NDRG3: variants seen among roughly 807,000 people sequenced by gnomAD.
The protein encoded by NDRG3 is NDRG family member 3, also known as protein NDRG3.
Under a neutral mutation model 57.2 loss-of-function variants are expected in NDRG3, and 23 were observed. The ratio of observed to expected loss-of-function variants is 0.40; its 90% confidence interval spans 0.29 to 0.57. The LOEUF is 0.57. Ranked by LOEUF, NDRG3 falls within the 20% of genes least tolerant of loss-of-function variation. The pLI, the probability that NDRG3 is intolerant of heterozygous loss-of-function variation, is 0.42. For missense variants in NDRG3, 384 were observed against 457.3 expected, an observed-to-expected ratio of 0.84 and a Z score of 1.46; for synonymous variants, 132 against 162.6, an observed-to-expected ratio of 0.81 and a Z score of 1.43.
intron 3 of NDRG3, among the ~76,000 whole-genome samples, chr20:36,696,620 A>C (rs1436329665): frequency 6.6e-6 from 1 of 151,798 alleles, no homozygotes; most frequent in Non-Finnish European, 1.5e-5. Flanking sequence ...CAGCCTCCCA[A>C]GTAGCTGGAC....
chr20:36,707,067 G>T, intron 2 of NDRG3, 60 bp from the exon 3 acceptor site: 1 of 1,500,334 alleles, frequency 6.7e-7, no homozygotes, highest in Non-Finnish European at 9.3e-7. Flanking sequence ...CACATGTGCA[G>T]CACATTCAGT....
intron 8 of NDRG3, among the ~76,000 whole-genome samples, chr20:36,677,504 T>C (rs147823648): frequency 1.2e-4 from 19 of 152,258 alleles, no homozygotes; most frequent in African/African-American, 4.1e-4. Flanking sequence ...GGGTAGAGGA[T>C]GGCCAGAGGA....
intron 2 of NDRG3, among the ~76,000 whole-genome samples, chr20:36,711,320 C>T (rs1273219567): frequency 6.7e-6 from 1 of 150,332 alleles, no homozygotes; most frequent in African/African-American, 2.5e-5. Context: ...TAAATAAATA[C>T]AAAAATGTAA....
intron 3 of NDRG3, among the ~76,000 whole-genome samples, chr20:36,702,502 A>G (rs759112521): frequency 2.0e-5 from 3 of 151,980 alleles, no homozygotes; most frequent in Non-Finnish European, 4.4e-5. Context: ...AGGCCTGGGT[A>G]TAGTTTTTGT....
intron 10 of NDRG3, 56 bp downstream of exon 10, chr20:36,666,233 C>G: frequency 3.8e-6 from 5 of 1,325,624 alleles, no homozygotes; most frequent in Non-Finnish European, 5.4e-6. Flanking sequence ...CTTCTCCCAC[C>G]CTCCTCTTTT....
chr20:36,657,172 G>C (rs190476376), intron 13 of NDRG3, among the ~76,000 whole-genome samples: 11 of 152,206 alleles, frequency 7.2e-5, no homozygotes, highest in Non-Finnish European at 1.2e-4. Context: ...TGATTTGATA[G>C]GTTTGGGGTA....
chr20:36,714,922 G>C (rs1984145541), intron 2 of NDRG3, among the ~76,000 whole-genome samples: 1 of 145,520 alleles, frequency 6.9e-6, no homozygotes, highest in South Asian at 2.2e-4. Context: ...CCAGCAAATT[G>C]TTTTCAAGTA....
intron 12 of NDRG3, 41 bp from the exon 13 acceptor site, chr20:36,660,425 G>A: frequency 6.4e-7 from 1 of 1,552,826 alleles, no homozygotes; most frequent in Non-Finnish European, 8.9e-7. Flanking sequence ...TTTATGAGTT[G>A]CTAGGAAAAA....
rs566447102 is a variant in NDRG3 at position 36,733,636 on chromosome 20, G to A, written c.-48-11853C>T. ...TACTCGGCAGGCTGAGGCAGAGCTT[G>A]CAGTGAGCCGAGATCACGCCACTAC... On this transcript the variant is annotated intron_variant, in intron 1 of 15. Coordinates refer to ENST00000349004, the MANE Select transcript of NDRG3 (RefSeq NM_032013.4). Among the ~76,000 whole-genome samples the A allele has an allele frequency of 3.3e-5, 5 of 151,836 alleles. No individual in the cohort carries two copies. In the South Asian group the frequency reaches 8.3e-4, roughly 25 times the overall value.
chr20:36,667,795 C>T (rs1048273151), intron 9 of NDRG3, among the ~76,000 whole-genome samples: 2 of 152,146 alleles, frequency 1.3e-5, no homozygotes, highest in Non-Finnish European at 2.9e-5. Context: ...AATTTCTTCA[C>T]ATTTTCACAA....
chr20:36,714,511 G>A (rs967219397), intron 2 of NDRG3, among the ~76,000 whole-genome samples: 3 of 146,286 alleles, frequency 2.1e-5, no homozygotes, highest in African/African-American at 5.0e-5. Context: ...GCGCGATCTC[G>A]ACTCAGAGCA....
chr20:36,680,453 C>G (rs1314058814), intron 8 of NDRG3, among the ~76,000 whole-genome samples: 1 of 149,260 alleles, frequency 6.7e-6, no homozygotes, highest in Non-Finnish European at 1.5e-5. Context: ...CCACTGCACT[C>G]CAGCCTGGGC....
At chr20:36,698,602 T>A (rs933039938) in intron 3 of NDRG3, among the ~76,000 whole-genome samples, 1 of 151,744 alleles carries the variant, frequency 6.6e-6, no homozygotes, top group Non-Finnish European at 1.5e-5. Context: ...AATTTATGTA[T>A]TGAAAAAAAA....
At chr20:36,683,051 G>A (rs1284849913) in intron 6 of NDRG3, among the ~76,000 whole-genome samples, 1 of 152,054 alleles carries the variant, frequency 6.6e-6, no homozygotes, top group Non-Finnish European at 1.5e-5. Context: ...GACCATCCTG[G>A]CTAACACGGT....
intron 2 of NDRG3, among the ~76,000 whole-genome samples, chr20:36,707,366 G>A (rs1203941442): frequency 6.6e-6 from 1 of 152,180 alleles, no homozygotes; most frequent in Non-Finnish European, 1.5e-5. Context: ...ACACACAAGG[G>A]AAGTACCTGG....
At chr20:36,726,207 GC>G (rs1984924889) in intron 1 of NDRG3, among the ~76,000 whole-genome samples, 1 of 152,172 alleles carries the variant, frequency 6.6e-6, no homozygotes, top group South Asian at 2.1e-4. Flanking sequence ...ACAGGTGTGA[GC>G]CACCATACCC....
In NDRG3 at chr20:36,665,282, C is replaced by T. The variant is rs530636370; in HGVS notation, c.712G>A (p.Glu238Lys). The change falls in exon 11 of 16, where the codon GAA (glutamate) becomes AAA (lysine). Residue 238 changes from glutamate (E) to lysine (K), a missense_variant. Coordinates refer to ENST00000349004, the MANE Select transcript of NDRG3 (RefSeq NM_032013.4). ...TCATTTTGGCCCAGTATGGGTCTTT[C>T]GATCTCCAGGTCTCTGCGTCTAGAA... ...SYNGRRDLEI[E>K]RPILGQNDNK... The T allele has an allele frequency of 2.4e-5, 38 of 1,614,154 alleles. No individual in the cohort carries two copies. The East Asian group carries it at 4.2e-4, about 18-fold the overall frequency.
intron 1 of NDRG3, among the ~76,000 whole-genome samples, chr20:36,723,040 A>G (rs1984691163): frequency 6.6e-6 from 1 of 152,186 alleles, no homozygotes; most frequent in African/African-American, 2.4e-5. Flanking sequence ...GTTACCTTGC[A>G]AATGAATCCT....
chr20:36,734,206 C>CAA (rs572585665), intron 1 of NDRG3, among the ~76,000 whole-genome samples: 3 of 128,258 alleles, frequency 2.3e-5, no homozygotes, highest in African/African-American at 2.8e-5. Flanking sequence ...GACTCCGTCT[C>CAA]AAAAAAAAAA....
Sources: gnomAD v4.1 joint callset for allele counts (sites outside exome capture counted in the v4.1 genomes callset) on GRCh38, gnomAD v4.1.1 for gene constraint, MANE v1.5 for transcripts, NCBI Gene and HGNC (gene_info 2026-07-23, HGNC 2026-07-21) for gene names.